The following ACACB variants were observed in gnomAD, a reference collection of about 807,000 sequenced individuals.
ACACB encodes acetyl-CoA carboxylase beta, also known as acetyl-CoA carboxylase 2.
ACACB carries 209 observed loss-of-function variants against 278.8 expected under a neutral mutation model. That is an observed-to-expected ratio of 0.75 (90% CI 0.67 to 0.84). The LOEUF (loss-of-function observed/expected upper bound fraction) is 0.84. Among genes scored for constraint, ACACB ranks in the 40% least tolerant of loss-of-function variants. The pLI is 0.00. For synonymous variants in ACACB, 1,174 were observed against 1,285.6 expected (o/e 0.91, Z 1.86); for missense variants, 2,850 against 3,269.0 (o/e 0.87, Z 3.13).
At chr12:109,194,511 C>CGTGT (rs529461816) in intron 16 of ACACB, among the ~76,000 whole-genome samples, 5,727 of 54,218 alleles carry the variant, frequency 0.11, 221 homozygotes, top group Middle Eastern at 0.17. Flanking sequence ...TCTGTGTGTG[C>CGTGT]ATGTGTGTGT....
At chr12:109,194,061 C>T (rs1045863616) in intron 16 of ACACB, among the ~76,000 whole-genome samples, 5 of 152,254 alleles carry the variant, frequency 3.3e-5, no homozygotes, top group South Asian at 2.1e-4. Context: ...GTTGGCGGGC[C>T]GTGGTCTCTC....
At chr12:109,256,097 C>G (rs2047216751) in intron 44 of ACACB, 43 bp from the exon 45 acceptor site, 2 of 1,572,174 alleles carry the variant, frequency 1.3e-6, no homozygotes, top group East Asian at 4.5e-5. Context: ...GGGCCCCCAG[C>G]CACCTGGCCC....
At chr12:109,210,280 C>CATGTGTGTATATGT (rs2045753540) in intron 21 of ACACB, among the ~76,000 whole-genome samples, 3 of 59,742 alleles carry the variant, frequency 5.0e-5, no homozygotes, top group East Asian at 1.3e-3. Flanking sequence ...CATATACACA[C>CATGTGTGTATATGT]ACATATCTGT....
chr12:109,240,146 T>A (rs988389900), intron 35 of ACACB, among the ~76,000 whole-genome samples, 161 bp downstream of exon 35: 10 of 152,212 alleles, frequency 6.6e-5, no homozygotes, highest in Admixed American at 2.0e-4. Flanking sequence ...CCTTCTGCCA[T>A]TCAATTCTAG....
intron 1 of ACACB, among the ~76,000 whole-genome samples, chr12:109,128,371 CTT>C (rs1030109630): frequency 3.9e-5 from 6 of 151,900 alleles, no homozygotes; most frequent in South Asian, 2.1e-4. Flanking sequence ...GAGTTTCACT[CTT>C]GTTTCCCAGG....
intron 24 of ACACB, among the ~76,000 whole-genome samples, chr12:109,221,054 CT>C (rs1293522105): frequency 6.6e-6 from 1 of 152,110 alleles, no homozygotes; most frequent in Non-Finnish European, 1.5e-5. Context: ...AGCCACATGC[CT>C]AGGGGATTGG....
intron 18 of ACACB, among the ~76,000 whole-genome samples, chr12:109,201,243 C>T (rs2045321752): frequency 6.6e-6 from 1 of 152,222 alleles, no homozygotes; most frequent in African/African-American, 2.4e-5. Flanking sequence ...ATATGAACCA[C>T]TCTATGTAAT....
At position 109,139,983 on chromosome 12, in the gene ACACB, G is replaced by C; in HGVS notation, c.578G>C (p.Arg193Pro). 1 of 1,613,214 alleles carries C rather than the reference G, an allele frequency of 6.2e-7. No individual in the cohort carries two copies. ...CGTGAGTCTACCCGGAAGGGCAGCC[G>C]GGCCAGCTTGGGGGCCCTGTCCCTG... ...SSRESTRKGS[R>P]ASLGALSLEA... Residue 193 changes from arginine to proline, a missense_variant, in exon 2 of 53, where the codon CGG becomes CCG. By Grantham distance (103) the Arg-to-Pro change is moderately radical. Coordinates refer to ENST00000338432, the MANE Select transcript of ACACB (RefSeq NM_001093.4).
intron 43 of ACACB, 116 bp downstream of exon 43, chr12:109,253,274 A>C: frequency 2.6e-6 from 3 of 1,153,724 alleles, no homozygotes; most frequent in Non-Finnish European, 3.6e-6. Context: ...GAAGCACTGC[A>C]CATGTGGCTG....
chr12:109,171,904 TC>T lies in ACACB; in HGVS notation c.1029del (p.Val344CysfsTer29), dbSNP rs773424306. 8.1e-6 allele frequency: 13 copies of T among 1,613,936 alleles called. No individual in the cohort carries two copies. The East Asian group carries it at 2.7e-4, about 33-fold the overall frequency. On this transcript the variant is annotated frameshift_variant, in exon 5 of 53. Transcript: ENST00000338432. LOFTEE classifies it high-confidence loss of function. ...VELIVDIAKR[I>X]PVQAVWAGWG... Reference sequence around the variant, plus strand: ...CTGATTGTGGACATTGCCAAGAGAATCCCCGTGCAGGTAGATGGACTGGGGT... The same window carrying T: ...CTGATTGTGGACATTGCCAAGAGAATCCCGTGCAGGTAGATGGACTGGGGT...
At chr12:109,153,042 A>C (rs1480418419) in intron 2 of ACACB, among the ~76,000 whole-genome samples, 1 of 152,150 alleles carries the variant, frequency 6.6e-6, no homozygotes, top group Non-Finnish European at 1.5e-5. Context: ...GCTGGAATGC[A>C]GTGGCCTGAT....
intron 50 of ACACB, 119 bp from the exon 51 acceptor site, chr12:109,264,991 C>A: frequency 8.6e-7 from 1 of 1,165,944 alleles, no homozygotes; most frequent in Non-Finnish European, 1.2e-6. Flanking sequence ...CTGGGATGAT[C>A]TGGGAATGAT....
At chr12:109,170,922 G>A (rs1429137732) in intron 4 of ACACB, among the ~76,000 whole-genome samples, 3 of 151,240 alleles carry the variant, frequency 2.0e-5, no homozygotes, top group South Asian at 4.2e-4. Context: ...TTGTAGCCTC[G>A]ACCTTCTAGG....
At position 109,166,992 on chromosome 12, in the gene ACACB, A is replaced by G; in HGVS notation, c.785A>G (p.Lys262Arg). Residue 262 changes from lysine to arginine, a missense_variant and splice_region_variant, in exon 3 of 53, where the codon AAG becomes AGG. Around this residue, in one of 3 missense-constraint regions of ACACB, gnomAD observed 2,265 missense variants for 2,561.3 expected, o/e 0.88. Transcript: ENST00000338432. ...TRFGGDRVIE[K>R]VLIANNGIAA... Reference sequence around the variant, plus strand: ...TTTGGGGGGGATCGGGTCATCGAGAAGGTACAGATGGGTCTCGGCACTCTG... The same window carrying G: ...TTTGGGGGGGATCGGGTCATCGAGAGGGTACAGATGGGTCTCGGCACTCTG... 6.2e-7 allele frequency: 1 copy of G among 1,613,846 alleles called. No individual in the cohort carries two copies. Among genetic ancestry groups the G allele is most frequent in the Non-Finnish European group, 8.5e-7 (1 of 1,179,944 alleles).
chr12:109,230,580 A>C (rs1593645779), intron 28 of ACACB, among the ~76,000 whole-genome samples: 1 of 152,248 alleles, frequency 6.6e-6, no homozygotes, highest in East Asian at 1.9e-4. Flanking sequence ...GCGCCACCAC[A>C]CCTGGCTAAT....
chr12:109,190,126 A>C (rs1463251028), intron 13 of ACACB, among the ~76,000 whole-genome samples: 1 of 152,178 alleles, frequency 6.6e-6, no homozygotes, highest in Non-Finnish European at 1.5e-5. Context: ...AAACAAAAAA[A>C]AGAAAAAAAG....
intron 11 of ACACB, among the ~76,000 whole-genome samples, chr12:109,183,865 C>T (rs1004864874): frequency 2.0e-5 from 3 of 151,906 alleles, no homozygotes. Flanking sequence ...GTCTCCCTCC[C>T]TTCCTCTTTT....
chr12:109,228,240 G>A (rs2046371696), intron 28 of ACACB, among the ~76,000 whole-genome samples: 2 of 151,782 alleles, frequency 1.3e-5, no homozygotes, highest in Admixed American at 6.6e-5. Flanking sequence ...CCGGGAGGCT[G>A]AGGGAGAACT....
intron 22 of ACACB, among the ~76,000 whole-genome samples, chr12:109,215,965 T>A (rs2045983556): frequency 6.6e-6 from 1 of 151,746 alleles, no homozygotes; most frequent in African/African-American, 2.4e-5. Flanking sequence ...CCCGGCTAAT[T>A]TTTTTGATTT....
Sources: gnomAD v4.1 joint callset for allele counts (sites outside exome capture counted in the v4.1 genomes callset) on GRCh38, gnomAD v4.1.1 for gene constraint, gnomAD v4.1.1 regional missense constraint, MANE v1.5 for transcripts, NCBI Gene and HGNC (gene_info 2026-07-23, HGNC 2026-07-21) for gene names.